Variants in MLLT1 observed in about 807,000 individuals in gnomAD.
The protein encoded by MLLT1 is protein ENL.
A neutral mutation model predicts 55.1 loss-of-function variants in MLLT1; 11 were observed. The ratio of observed to expected loss-of-function variants is 0.20; its 90% CI spans 0.13 to 0.33. The LOEUF is 0.33. Among genes scored for constraint, MLLT1 ranks in the 10% least tolerant of loss-of-function variants. The pLI is 1.00. For missense variants in MLLT1, 536 were observed against 760.6 expected (o/e 0.70, Z 3.47); for synonymous variants, 323 against 320.1 (o/e 1.01, Z -0.10).
intron 3 of MLLT1, among the ~76,000 whole-genome samples, chr19:6,249,151 T>G (rs747026523): frequency 3.3e-5 from 5 of 152,188 alleles, no homozygotes; most frequent in Non-Finnish European, 5.9e-5. Context: ...AGACTTGGTA[T>G]GAAAAAAGAA....
At position 6,226,816 on chromosome 19, in the gene MLLT1, G is replaced by A. The variant is rs2090960908; in HGVS notation, c.546+161C>T. On this transcript the variant is annotated intron_variant, in intron 5 of 11. Transcript: ENST00000252674. The surrounding 1 kb of genome is among the most constrained non-coding windows in gnomAD (Gnocchi z 6.3). ...TTATTCCTGAAATCCTAGGGAAGCGGCAGTGCGCAGCGAGGGGTGTGCAGA... is the reference window on the plus strand; with the variant it reads ...TTATTCCTGAAATCCTAGGGAAGCGACAGTGCGCAGCGAGGGGTGTGCAGA... Among the ~76,000 whole-genome samples the A allele has an allele frequency of 6.6e-6, 1 of 152,080 alleles. No homozygotes were observed. Among genetic ancestry groups the A allele is most frequent in the Non-Finnish European group, 1.5e-5 (1 of 68,026 alleles).
chr19:6,241,381 AG>A (rs1162804408), intron 3 of MLLT1, among the ~76,000 whole-genome samples: 1 of 150,848 alleles, frequency 6.6e-6, no homozygotes, highest in Admixed American at 6.6e-5. Flanking sequence ...TGGGAGCCAC[AG>A]GGCAGATGCC....
chr19:6,253,264 CAAAAAAAAAA>C (rs71172800), intron 3 of MLLT1, among the ~76,000 whole-genome samples: 11 of 24,570 alleles, frequency 4.5e-4, no homozygotes, highest in South Asian at 3.9e-3. Flanking sequence ...GACCCCATCT[CAAAAAAAAAA>C]AAAAAAAAAA....
At chr19:6,253,107 C>CA (rs1330036036) in intron 3 of MLLT1, among the ~76,000 whole-genome samples, 5 of 148,856 alleles carry the variant, frequency 3.4e-5, no homozygotes, top group Admixed American at 2.0e-4. Context: ...ACTAAAAATA[C>CA]AAAAAAAAAT....
rs574532616 is a variant in MLLT1 at position 6,256,263 on chromosome 19, C to G, written c.276+5965G>C. Reference sequence around the variant, plus strand: ...TAAATAAATAAATAAATAAAAAGACCAGCCTGGGCAACACAATGGGACCCC... The same window carrying G: ...TAAATAAATAAATAAATAAAAAGACGAGCCTGGGCAACACAATGGGACCCC... On this transcript the variant is annotated intron_variant, in intron 3 of 11. Transcript: ENST00000252674. The surrounding 1 kb of genome is among the most constrained non-coding windows in gnomAD (Gnocchi z 4.1). Among the ~76,000 whole-genome samples, 329 of 125,168 alleles carry G rather than the reference C, an allele frequency of 2.6e-3. 3 individuals carry two copies. Among genetic ancestry groups the G allele is most frequent in the African/African-American group, 0.01 (305 of 29,412 alleles). The allele number at this position is 125,168 out of a possible 152,430, so 82.1% of individuals were successfully genotyped here. A position where few individuals can be genotyped will look rare whatever the true frequency, so the allele number is the denominator to read the frequency against.
chr19:6,233,175 G>C (rs149671943), intron 3 of MLLT1, among the ~76,000 whole-genome samples: 2 of 152,214 alleles, frequency 1.3e-5, no homozygotes, highest in Admixed American at 1.3e-4. Flanking sequence ...AGTGCCGGAC[G>C]GCTCACACGG....
At chr19:6,214,065 G>C (rs1447259785) in intron 8 of MLLT1, 27 bp from the exon 9 acceptor site, 1 of 1,357,544 alleles carries the variant, frequency 7.4e-7, no homozygotes, top group Admixed American at 3.3e-5. Context: ...GGGCGCATCA[G>C]GCCCCTGCCG....
At chr19:6,279,103 G>C (rs1388803640) in intron 1 of MLLT1, among the ~76,000 whole-genome samples, 1 of 152,072 alleles carries the variant, frequency 6.6e-6, no homozygotes, top group Non-Finnish European at 1.5e-5. Context: ...GGGGATGGGT[G>C]GAGATAAAGC....
At chr19:6,220,131 C>T (rs1288530849) in intron 6 of MLLT1, among the ~76,000 whole-genome samples, 1 of 152,190 alleles carries the variant, frequency 6.6e-6, no homozygotes, top group Non-Finnish European at 1.5e-5. Context: ...CGAGGGTGGG[C>T]GTGGGCCAGA....
intron 1 of MLLT1, among the ~76,000 whole-genome samples, chr19:6,279,487 G>A (rs979023207): frequency 2.6e-4 from 39 of 152,024 alleles, no homozygotes; most frequent in African/African-American, 8.9e-4. Flanking sequence ...CTGGCGTTCC[G>A]AGGGGTCTCC....
At chr19:6,276,496 G>C (rs564561519) in intron 1 of MLLT1, among the ~76,000 whole-genome samples, 1 of 152,082 alleles carries the variant, frequency 6.6e-6, no homozygotes, top group Middle Eastern at 3.2e-3. Context: ...GCAGCAATTC[G>C]AGCGTGGGGG....
At chr19:6,242,028 G>C (rs2091118352) in intron 3 of MLLT1, among the ~76,000 whole-genome samples, 1 of 152,226 alleles carries the variant, frequency 6.6e-6, no homozygotes, top group Admixed American at 6.5e-5. Context: ...GGAGTTGCTT[G>C]CAGAAGCGTT....
At chr19:6,277,406 GTCAGTAGC>G (rs1292382791) in intron 1 of MLLT1, among the ~76,000 whole-genome samples, 2 of 152,324 alleles carry the variant, frequency 1.3e-5, no homozygotes, top group East Asian at 1.9e-4. Flanking sequence ...CGACAGGGTG[GTCAGTAGC>G]TCAGTAGCTC....
At chr19:6,238,490 C>T (rs1160663691) in intron 3 of MLLT1, among the ~76,000 whole-genome samples, 6 of 152,182 alleles carry the variant, frequency 3.9e-5, no homozygotes, top group Non-Finnish European at 5.9e-5. Context: ...CTGTGGGAGC[C>T]GGAGGTGGGG....
intron 1 of MLLT1, among the ~76,000 whole-genome samples, chr19:6,272,089 G>A (rs1413163126): frequency 3.9e-5 from 3 of 76,226 alleles, no homozygotes; most frequent in African/African-American, 1.5e-4. Flanking sequence ...CCCCACCCCC[G>A]CCCGCCATGT....
chr19:6,246,010 G>A (rs1162798751), intron 3 of MLLT1, among the ~76,000 whole-genome samples: 1 of 151,982 alleles, frequency 6.6e-6, no homozygotes. Context: ...CTCAGGAGGT[G>A]GAGGTTGTAG....
At position 6,230,762 on chromosome 19, in the gene MLLT1, C is replaced by T. The variant is rs1383344346; in HGVS notation, c.277-49G>A. 9.3e-6 allele frequency: 15 copies of T among 1,605,614 alleles called. No individual in the cohort carries two copies. The highest frequency in any genetic ancestry group is 1.3e-5 in the Non-Finnish European group (15 of 1,175,164). ...TCTGCATCAGAGGGTGGCCGTGGTGCAGGGACACAGCTCCCCATTGGCCCT... is the reference window on the plus strand; with the variant it reads ...TCTGCATCAGAGGGTGGCCGTGGTGTAGGGACACAGCTCCCCATTGGCCCT... On this transcript the variant is annotated intron_variant, in intron 3 of 11. Coordinates refer to ENST00000252674, the MANE Select transcript of MLLT1 (RefSeq NM_005934.4). The surrounding 1 kb of genome is among the most constrained non-coding windows in gnomAD (Gnocchi z 9.0).
rs2090998865 is a variant in MLLT1 at position 6,230,471 on chromosome 19, C to T, written c.420+99G>A. ...GCCGTGTGACCTGCGCCTTGGGTCT[C>T]GGCCCCCAGCACCGACACCTCTGGC... On this transcript the variant is annotated intron_variant, in intron 4 of 11. Coordinates refer to ENST00000252674, the MANE Select transcript of MLLT1 (RefSeq NM_005934.4). The surrounding 1 kb of genome is among the most constrained non-coding windows in gnomAD (Gnocchi z 9.0). The T allele has an allele frequency of 3.4e-5, 49 of 1,458,786 alleles. No individual in the cohort carries two copies. Among genetic ancestry groups the T allele is most frequent in the Non-Finnish European group, 4.4e-5 (48 of 1,079,672 alleles). The allele number at this position is 1,458,786 out of a possible 1,614,324, so 90.4% of individuals were successfully genotyped here.
chr19:6,248,929 A>C (rs1285084256), intron 3 of MLLT1, among the ~76,000 whole-genome samples: 1 of 152,200 alleles, frequency 6.6e-6, no homozygotes, highest in East Asian at 1.9e-4. Flanking sequence ...CCAAATTAAA[A>C]AAATCGTAAC....
Sources: gnomAD v4.1 joint callset for allele counts (sites outside exome capture counted in the v4.1 genomes callset) on GRCh38, gnomAD v4.1.1 for gene constraint, Gnocchi (gnomAD v3.1) non-coding constraint, MANE v1.5 for transcripts, NCBI Gene and HGNC (gene_info 2026-07-23, HGNC 2026-07-21) for gene names.